HDAC9: variants seen among roughly 807,000 people sequenced by gnomAD.
The protein encoded by HDAC9 is histone deacetylase 9, also known as MEF-2 interacting transcription repressor (MITR) protein.
HDAC9 carries 41 observed loss-of-function variants against 139.4 expected under a neutral mutation model. The observed-to-expected ratio is 0.29, with a 90% CI of 0.23 to 0.38. The LOEUF is 0.38. Ranked by LOEUF, HDAC9 falls within the 10% of genes least tolerant of loss-of-function variation. The pLI, the probability that HDAC9 is intolerant of heterozygous loss-of-function variation, is 1.00. For missense variants in HDAC9, 1,147 were observed against 1,297.0 expected (o/e 0.88, Z 1.78); for synonymous variants, 517 against 476.2 (o/e 1.09, Z -1.12).
chr7:18,163,450 G>A (rs1290855706), intron 2 of HDAC9, among the ~76,000 whole-genome samples: 2 of 152,194 alleles, frequency 1.3e-5, no homozygotes, highest in African/African-American at 4.8e-5. Flanking sequence ...CACTCGGAGA[G>A]TTTGTTAAAA....
chr7:18,356,181 T>C (rs189337902), intron 1 of HDAC9, among the ~76,000 whole-genome samples: 4 of 152,174 alleles, frequency 2.6e-5, no homozygotes, highest in African/African-American at 7.2e-5. Flanking sequence ...TTGCATCAAA[T>C]TCAGAATTTC....
chr7:18,403,054 A>G (rs1158469352), intron 1 of HDAC9, among the ~76,000 whole-genome samples: 1 of 152,196 alleles, frequency 6.6e-6, no homozygotes. Context: ...AAATATGTTT[A>G]CATTTCATTT....
At chr7:18,741,032 G>T (rs984927030) in intron 13 of HDAC9, among the ~76,000 whole-genome samples, 3 of 152,170 alleles carry the variant, frequency 2.0e-5, no homozygotes, top group African/African-American at 7.2e-5. Flanking sequence ...GCAGAGGTTG[G>T]CTCTTGAGGT....
rs1227362003 is a variant in HDAC9, at chr7:18,988,483, G to C, written c.3171-7540G>C. On this transcript the variant is annotated intron_variant, in intron 25 of 25. Coordinates refer to ENST00000686413, the MANE Select transcript of HDAC9 (RefSeq NM_178425.4). ...TTGCTGAGGAGAGCTTTACTTCCAAGTATGTGGTCAATTTTGGAATAGGTG... is the reference window on the plus strand; with the variant it reads ...TTGCTGAGGAGAGCTTTACTTCCAACTATGTGGTCAATTTTGGAATAGGTG... 5.9e-5 allele frequency among the ~76,000 whole-genome samples: 9 copies of C among 151,404 alleles called. No individual in the cohort carries two copies. The East Asian group carries it at 7.8e-4, about 13-fold the overall frequency.
In HDAC9 at chr7:18,727,673, G is replaced by T. The variant is rs969051018; in HGVS notation, c.1825G>T (p.Val609Phe). ...GGATGGATTAGAGAAACACCGTCTC[G>T]TCTCCAGGACTCACTCTTCCCCTGC... ...GMDGLEKHRLVSRTHSSPAAS... is the reference protein window; with the variant it reads ...GMDGLEKHRLFSRTHSSPAAS... Residue 609 changes from valine to phenylalanine, a missense_variant, in exon 13 of 26, where the codon GTC (valine) becomes TTC (phenylalanine). Val to Phe is a conservative substitution (Grantham distance 50, BLOSUM62 -1). This residue lies in a region of HDAC9 where 256 missense variants were observed against 219.2 expected (regional missense o/e 1.17). Coordinates refer to ENST00000686413, the MANE Select transcript of HDAC9 (RefSeq NM_178425.4). 1 of 1,591,300 alleles carries T rather than the reference G, an allele frequency of 6.3e-7. No individual in the cohort carries two copies. Among genetic ancestry groups the T allele is most frequent in the South Asian group, 1.1e-5 (1 of 87,322 alleles).
At chr7:18,884,493 T>G (rs1474008387) in intron 22 of HDAC9, among the ~76,000 whole-genome samples, 2 of 152,098 alleles carry the variant, frequency 1.3e-5, no homozygotes, top group Non-Finnish European at 2.9e-5. Flanking sequence ...GATATCCAAA[T>G]GCAGAGGAAT....
chr7:18,823,016 G>A (rs1339386887), intron 17 of HDAC9, among the ~76,000 whole-genome samples: 1 of 152,082 alleles, frequency 6.6e-6, no homozygotes, highest in African/African-American at 2.4e-5. Context: ...GACTTAATAT[G>A]TTTTTTATTC....
chr7:18,946,063 A>T (rs1375626415), intron 23 of HDAC9, among the ~76,000 whole-genome samples: 5 of 145,128 alleles, frequency 3.4e-5, no homozygotes, highest in Non-Finnish European at 6.0e-5. Context: ...AAAAAAAAAA[A>T]AAAAAAAAAA....
chr7:18,413,902 T>G (rs762307131), intron 1 of HDAC9, among the ~76,000 whole-genome samples: 2 of 152,104 alleles, frequency 1.3e-5, no homozygotes, highest in Non-Finnish European at 2.9e-5. Flanking sequence ...TAAACATACT[T>G]TAATATTTGG....
chr7:18,189,884 A>G (rs567060762), intron 2 of HDAC9, among the ~76,000 whole-genome samples: 16 of 152,070 alleles, frequency 1.1e-4, no homozygotes, highest in Admixed American at 2.6e-4. Flanking sequence ...AATGTGAAAC[A>G]CATAAAAAGA....
intron 2 of HDAC9, among the ~76,000 whole-genome samples, chr7:18,534,841 T>C (rs1223687303): frequency 6.6e-6 from 1 of 152,076 alleles, no homozygotes; most frequent in Non-Finnish European, 1.5e-5. Context: ...AAAAGAAGGG[T>C]AGTAAATACA....
At chr7:18,618,571 A>G (rs1015228734) in intron 6 of HDAC9, among the ~76,000 whole-genome samples, 2 of 151,782 alleles carry the variant, frequency 1.3e-5, no homozygotes, top group Admixed American at 6.6e-5. Flanking sequence ...ACCTACTAAA[A>G]TGGCCCCACT....
intron 8 of HDAC9, among the ~76,000 whole-genome samples, chr7:18,643,122 A>G (rs890847842): frequency 4.3e-4 from 65 of 152,074 alleles, no homozygotes; most frequent in African/African-American, 1.4e-3. Context: ...TTGTTCTTGT[A>G]CAGGTATTCT....
In HDAC9 at chr7:18,380,584, G is replaced by A. The variant is rs547170237; in HGVS notation, c.-42+90069G>A. Among the ~76,000 whole-genome samples, 6 of 152,282 alleles carry A rather than the reference G, an allele frequency of 3.9e-5. No individual in the cohort carries two copies. The East Asian group carries it at 5.8e-4, about 15-fold the overall frequency. ...GTATGGCTTCTCCTTTGGCCCTCAC[G>A]CTGTTGCCCTTGACTCTCCTGGCAC... On this transcript the variant is annotated intron_variant, in intron 1 of 3. Transcript: ENST00000413509.
chr7:18,139,868 C>T (rs1785761451), intron 1 of HDAC9, among the ~76,000 whole-genome samples: 1 of 152,164 alleles, frequency 6.6e-6, no homozygotes, highest in Non-Finnish European at 1.5e-5. Flanking sequence ...TTAGAGTCTT[C>T]AAGGAATGAA....
At chr7:18,919,463 C>T (rs945282406) in intron 22 of HDAC9, among the ~76,000 whole-genome samples, 1 of 151,948 alleles carries the variant, frequency 6.6e-6, no homozygotes, top group East Asian at 1.9e-4. Context: ...ATAAGTCTTA[C>T]AATGTTAGGC....
Position 18,340,222 on chromosome 7 carries a change from A to G in HDAC9, c.-42+49707A>G, listed in dbSNP as rs1399346259. 4.6e-5 allele frequency among the ~76,000 whole-genome samples: 7 copies of G among 151,642 alleles called. No individual in the cohort carries two copies. In the East Asian group the frequency reaches 1.4e-3, roughly 29 times the overall value. On this transcript the variant is annotated intron_variant, in intron 1 of 3. Transcript: ENST00000413509. Reference sequence around the variant, plus strand: ...CTTTTGATTAGTGTTAGCATAGTATATCTTTTCCACTCCATTCACTTTTAA... The same window carrying G: ...CTTTTGATTAGTGTTAGCATAGTATGTCTTTTCCACTCCATTCACTTTTAA...
chr7:18,550,332 A>G (rs765255041), intron 2 of HDAC9, among the ~76,000 whole-genome samples: 4 of 152,100 alleles, frequency 2.6e-5, no homozygotes, highest in Non-Finnish European at 5.9e-5. Context: ...TGATTTCCCA[A>G]CCTATATGTA....
chr7:18,855,196 T>C (rs1797586978), intron 21 of HDAC9, among the ~76,000 whole-genome samples: 1 of 152,124 alleles, frequency 6.6e-6, no homozygotes, highest in Non-Finnish European at 1.5e-5. Flanking sequence ...GTTTTAAGAC[T>C]TCCAGCTCAG....
Sources: gnomAD v4.1 joint callset for allele counts (sites outside exome capture counted in the v4.1 genomes callset) on GRCh38, gnomAD v4.1.1 for gene constraint, gnomAD v4.1.1 regional missense constraint, MANE v1.5 for transcripts, NCBI Gene and HGNC (gene_info 2026-07-23, HGNC 2026-07-21) for gene names.